The following RBM39 variants were observed in gnomAD, a reference collection of about 807,000 sequenced individuals.
The protein encoded by RBM39 is RNA binding motif protein 39, also known as RNA-binding protein 39.
Under a neutral mutation model 79.6 loss-of-function variants are expected in RBM39, and 12 were observed. That is an observed-to-expected ratio of 0.15 (90% CI 0.10 to 0.24). The LOEUF is 0.24. Ranked by LOEUF, RBM39 falls within the 10% of genes least tolerant of loss-of-function variation. RBM39 has a pLI of 1.00. For synonymous variants in RBM39, 185 were observed against 208.4 expected, an observed-to-expected ratio of 0.89 and a Z score of 0.97; for missense variants, 243 against 653.4, an observed-to-expected ratio of 0.37 and a Z score of 6.85.
chr20:35,725,221 A>C lies in RBM39; in HGVS notation c.417-66T>G, dbSNP rs1371854676. The stretch of plus-strand genomic sequence containing the variant: ...TTTTAAAATAATTTTTATCTTTTTT[A>C]TTTCTTCATATAGTTCAACAGGTTT... On this transcript the variant is annotated intron_variant, in intron 6 of 16. Coordinates refer to ENST00000253363, the MANE Select transcript of RBM39 (RefSeq NM_184234.3). 4 of 1,122,678 alleles carry C rather than the reference A, an allele frequency of 3.6e-6. No individual in the cohort carries two copies. In the East Asian group the frequency reaches 1.1e-4, roughly 29 times the overall value. The allele number at this position is 1,122,678 out of a possible 1,614,324, so 69.5% of individuals were successfully genotyped here. A position where few individuals can be genotyped will look rare whatever the true frequency, so the allele number is the denominator to read the frequency against.
chr20:35,719,958 T>C (rs1357834397), intron 9 of RBM39: 4 of 267,972 alleles, frequency 1.5e-5, no homozygotes, highest in Middle Eastern at 1.3e-3. Context: ...AATTTTTCTA[T>C]TTTTAGTAGA....
At chr20:35,734,330 T>C (rs1221579774) in intron 3 of RBM39, 4 of 839,294 alleles carry the variant, frequency 4.8e-6, no homozygotes, top group Non-Finnish European at 1.8e-6. Flanking sequence ...AAAATTAGGC[T>C]ACACTCATTA....
chr20:35,725,596 A>T (rs1052206862), intron 6 of RBM39, among the ~76,000 whole-genome samples: 1 of 151,348 alleles, frequency 6.6e-6, no homozygotes, highest in Non-Finnish European at 1.5e-5. Context: ...TAATTCTCAA[A>T]CATGTTCAGT....
At chr20:35,733,427 G>A (rs1367192219) in intron 3 of RBM39, among the ~76,000 whole-genome samples, 1 of 152,068 alleles carries the variant, frequency 6.6e-6, no homozygotes, top group African/African-American at 2.4e-5. Context: ...AGTCGACACG[G>A]TGAAAACCCA....
chr20:35,716,630 A>G, intron 10 of RBM39, 110 bp downstream of exon 10: 3 of 724,370 alleles, frequency 4.1e-6, no homozygotes, highest in Non-Finnish European at 4.7e-6. Flanking sequence ...TTGGAAGGCT[A>G]AGGTGGGACA....
At chr20:35,729,664 C>T (rs1253766687) in intron 4 of RBM39, 137 bp from the exon 5 acceptor site, 2 of 744,798 alleles carry the variant, frequency 2.7e-6, no homozygotes, top group South Asian at 1.9e-5. Context: ...AACAAAAATA[C>T]TTGTCTCTTA....
intron 3 of RBM39, 54 bp from the exon 4 acceptor site, chr20:35,732,189 ATAC>A: frequency 6.7e-7 from 1 of 1,484,918 alleles, no homozygotes; most frequent in Non-Finnish European, 9.4e-7. Context: ...CCACCAAAAT[ATAC>A]TACCTTTTAT....
chr20:35,740,026 CAA>C (rs1164589476), intron 2 of RBM39: 1 of 158,222 alleles, frequency 6.3e-6, no homozygotes, highest in Admixed American at 6.2e-5. Context: ...CGAAATGAGT[CAA>C]AGACTATATT....
At chr20:35,726,008 A>C (rs1331201333) in intron 6 of RBM39, among the ~76,000 whole-genome samples, 1 of 152,212 alleles carries the variant, frequency 6.6e-6, no homozygotes, top group Non-Finnish European at 1.5e-5. Flanking sequence ...AAAAATGCGC[A>C]TAAAACTATT....
At chr20:35,738,089 G>C (rs1470833253) in intron 3 of RBM39, among the ~76,000 whole-genome samples, 1 of 151,930 alleles carries the variant, frequency 6.6e-6, no homozygotes, top group Non-Finnish European at 1.5e-5. Context: ...CTGGGAGGCA[G>C]TGGTTGCAGT....
chr20:35,706,793 T>G (rs1203249324), intron 14 of RBM39, among the ~76,000 whole-genome samples: 1 of 151,968 alleles, frequency 6.6e-6, no homozygotes, highest in Non-Finnish European at 1.5e-5. Flanking sequence ...TTTGGTAGGC[T>G]AAGGTGGGCG....
At chr20:35,738,234 C>T (rs973785541) in intron 3 of RBM39, among the ~76,000 whole-genome samples, 12 of 152,016 alleles carry the variant, frequency 7.9e-5, no homozygotes, top group Admixed American at 7.9e-4. Context: ...CGCCACTGCG[C>T]TCCAGCCTGG....
chr20:35,731,687 C>T, intron 4 of RBM39: 1 of 502,430 alleles, frequency 2.0e-6, no homozygotes, highest in South Asian at 2.6e-5. Flanking sequence ...TTTGCGTTGA[C>T]TGGCATACAA....
At chr20:35,735,466 T>C (rs966534574) in intron 3 of RBM39, among the ~76,000 whole-genome samples, 2 of 152,262 alleles carry the variant, frequency 1.3e-5, no homozygotes, top group African/African-American at 4.8e-5. Flanking sequence ...CTCAGTCAAC[T>C]GTTTCTCAGA....
chr20:35,721,623 G>C, intron 9 of RBM39, 117 bp downstream of exon 9: 1 of 1,190,974 alleles, frequency 8.4e-7, no homozygotes, highest in Non-Finnish European at 1.2e-6. Flanking sequence ...TATAAAACCA[G>C]CCCTTATCCT....
At chr20:35,717,202 C>T (rs1004479648) in intron 9 of RBM39, among the ~76,000 whole-genome samples, 1 of 151,884 alleles carries the variant, frequency 6.6e-6, no homozygotes, top group Non-Finnish European at 1.5e-5. Context: ...ATTGCTTGAA[C>T]CCGGGAGGCA....
chr20:35,706,278 G>C (rs1262374072), intron 14 of RBM39, among the ~76,000 whole-genome samples: 1 of 152,198 alleles, frequency 6.6e-6, no homozygotes, highest in South Asian at 2.1e-4. Context: ...GTTGCAGTGA[G>C]CTAAGATAGA....
In RBM39 at chr20:35,729,452, G is replaced by A. The variant is rs756408558; in HGVS notation, c.362+10C>T. On this transcript the variant is annotated intron_variant, in intron 5 of 16. Coordinates refer to ENST00000253363, the MANE Select transcript of RBM39 (RefSeq NM_184234.3). ...AACAATTTAAACAATTCAGAAGTAT[G>A]TTTAAAAACCTTAATTTGATGCTAT... 1 of 1,613,014 alleles carries A rather than the reference G, an allele frequency of 6.2e-7. No individual in the cohort carries two copies. The highest frequency in any genetic ancestry group is 8.5e-7 in the Non-Finnish European group (1 of 1,179,556).
chr20:35,704,796 G>A (rs369237875), intron 15 of RBM39, 50 bp from the exon 16 acceptor site: 2 of 1,525,164 alleles, frequency 1.3e-6, no homozygotes, highest in Admixed American at 1.8e-5. Context: ...ATGCAAAATG[G>A]ACCCAAGTTA....
Sources: gnomAD v4.1 joint callset for allele counts (sites outside exome capture counted in the v4.1 genomes callset) on GRCh38, gnomAD v4.1.1 for gene constraint, MANE v1.5 for transcripts, NCBI Gene and HGNC (gene_info 2026-07-23, HGNC 2026-07-21) for gene names.